Variants in MBNL3 observed in about 807,000 individuals in gnomAD.
MBNL3 encodes the protein muscleblind-like protein 3.
MBNL3 carries 6 observed loss-of-function variants against 24.5 expected under a neutral mutation model. The ratio of observed to expected loss-of-function variants is 0.25; its 90% CI spans 0.13 to 0.48. The LOEUF (loss-of-function observed/expected upper bound fraction) is 0.48, where lower values mean the gene tolerates loss of function less well. Ranked by LOEUF, MBNL3 falls within the 20% of genes least tolerant of loss-of-function variation. The probability of loss-of-function intolerance (pLI) is 0.99; values close to 1 mark genes in which losing one functional copy is unlikely to be tolerated. For synonymous variants in MBNL3, 100 were observed against 101.7 expected (o/e 0.98, Z 0.10); for missense variants, 230 against 293.5 (o/e 0.78, Z 1.58).
Position 132,486,985 on chromosome X carries a change from A to AT in MBNL3, c.-704+1865dup, listed in dbSNP as rs201545270. Reference sequence around the variant, plus strand: ...CACTATATCAATTATCTCTCAAAACATTTTTTTTTTACAAACTCCTTCACT... The same window carrying AT: ...CACTATATCAATTATCTCTCAAAACATTTTTTTTTTTACAAACTCCTTCACT... On this transcript the variant is annotated intron_variant, in intron 1 of 8. Coordinates refer to ENST00000370853, the MANE Select transcript of MBNL3 (RefSeq NM_001386889.1). Among the ~76,000 whole-genome samples, 171 of 107,758 alleles carry AT rather than the reference A, an allele frequency of 1.6e-3. 1 individual carries two copies. The highest frequency in any genetic ancestry group is 4.0e-3 in the African/African-American group (119 of 29,723). The allele number at this position is 107,758 out of a possible 115,157, so 93.6% of individuals were successfully genotyped here. A position where few individuals can be genotyped will look rare whatever the true frequency, so the allele number is the denominator to read the frequency against.
intron 2 of MBNL3, chrX:132,413,463 A>G (rs766598147): frequency 4.4e-4 from 501 of 1,142,245 alleles, no homozygotes; most frequent in Non-Finnish European, 5.7e-4. Flanking sequence ...AATCCTTGAA[A>G]ACCCATTTTA....
At chrX:132,401,183 C>T (rs1389178871) in intron 3 of MBNL3, among the ~76,000 whole-genome samples, 1 of 111,668 alleles carries the variant, frequency 9.0e-6, no homozygotes, top group Non-Finnish European at 1.9e-5. Flanking sequence ...ATAAAAGAGC[C>T]ATGACAAAAC....
chrX:132,386,842 A>G, intron 5 of MBNL3, 31 bp from the exon 6 acceptor site: 1 of 1,196,835 alleles, frequency 8.4e-7, no homozygotes, highest in Non-Finnish European at 1.1e-6. Context: ...CTAGTACTAG[A>G]GAAAGTAACA....
rs1274538924 is a variant in MBNL3 at position 132,382,170 on chromosome X, G to T, written c.1053+8C>A. On this transcript the variant is annotated splice_region_variant and intron_variant, in intron 8 of 8. Coordinates refer to ENST00000370853, the MANE Select transcript of MBNL3 (RefSeq NM_001386889.1). Reference sequence around the variant, plus strand: ...CTTGATCTGAACAGCTTAAATAAATGGCCAAACCTGATTGCCTGTAGTTGG... The same window carrying T: ...CTTGATCTGAACAGCTTAAATAAATTGCCAAACCTGATTGCCTGTAGTTGG... The T allele has an allele frequency of 1.7e-6, 2 of 1,207,454 alleles. No individual in the cohort carries two copies. Among genetic ancestry groups the T allele is most frequent in the Admixed American group, 4.3e-5 (2 of 46,018 alleles).
chrX:132,389,505 GTC>G (rs748530386), intron 5 of MBNL3, among the ~76,000 whole-genome samples: 4 of 111,746 alleles, frequency 3.6e-5, no homozygotes, highest in Non-Finnish European at 7.5e-5. Flanking sequence ...GAAAATAAGT[GTC>G]TCTCTGTTGT....
At chrX:132,480,064 C>A (rs1034668143) in intron 1 of MBNL3, among the ~76,000 whole-genome samples, 1 of 111,237 alleles carries the variant, frequency 9.0e-6, no homozygotes, top group Non-Finnish European at 1.9e-5. Flanking sequence ...AACCCAGCCT[C>A]GATCTTATTC....
Position 132,372,268 on chromosome X carries a change from C to T in MBNL3, c.*7398G>A, listed in dbSNP as rs1228011733. 3 of 109,986 alleles carry T rather than the reference C, an allele frequency of 2.7e-5. No individual in the cohort carries two copies. Among genetic ancestry groups the T allele is most frequent in the Non-Finnish European group, 3.8e-5 (2 of 52,585 alleles). 9.1% of individuals were successfully genotyped at this position (109,986 alleles called of 1,213,427 possible). A position where few individuals can be genotyped will look rare whatever the true frequency, so the allele number is the denominator to read the frequency against. ...TAATTTTCTTATATATATTTTTAAT[C>T]GCCATTTTCCACCCAAATTATGTGC... On this transcript the variant is annotated 3_prime_UTR_variant, in exon 9 of 9. Transcript: ENST00000370853.
At chrX:132,406,188 G>C (rs1468285556) in intron 3 of MBNL3, 40 bp downstream of exon 3, 1 of 1,200,663 alleles carries the variant, frequency 8.3e-7, no homozygotes, top group African/African-American at 1.8e-5. Context: ...TTCCACTGTT[G>C]ATCTTTATCG....
At chrX:132,476,562 A>G (rs1238142103) in intron 1 of MBNL3, among the ~76,000 whole-genome samples, 12 of 112,172 alleles carry the variant, frequency 1.1e-4, no homozygotes, top group Non-Finnish European at 1.9e-5. Flanking sequence ...CTACTGAAGG[A>G]AATTTCCACT....
At chrX:132,489,660 G>C (rs1216442509), upstream of MBNL3, among the ~76,000 whole-genome samples, 1 of 107,442 alleles carries the variant, frequency 9.3e-6, no homozygotes, top group Non-Finnish European at 1.9e-5. Context: ...GCGCCAGCGA[G>C]GGGCTTTAGG....
At chrX:132,458,099 C>T (rs923632247) in intron 1 of MBNL3, among the ~76,000 whole-genome samples, 1 of 110,772 alleles carries the variant, frequency 9.0e-6, no homozygotes, top group Non-Finnish European at 1.9e-5. Flanking sequence ...TAGCAGTTAT[C>T]CATAATTAAC....
In MBNL3 at chrX:132,386,697, T is replaced by G. The variant is rs2148072120; in HGVS notation, c.886A>C (p.Asn296His). 1.7e-6 allele frequency: 2 copies of G among 1,210,848 alleles called. No individual in the cohort carries two copies. The highest frequency in any genetic ancestry group is 3.0e-5 in the East Asian group (1 of 33,815). ...TVFHCQQALT[N>H]LQLPQPAFIP... ...AATGCCGGCTGTGGGAGCTGCAGGT[T>G]AGTCAGAGCCTGTTGGCAGTGGAAA... Residue 296 changes from asparagine to histidine, a missense_variant, in exon 6 of 9, where the codon AAC (asparagine) becomes CAC (histidine). Coordinates refer to ENST00000370853, the MANE Select transcript of MBNL3 (RefSeq NM_001386889.1).
intron 7 of MBNL3, 23 bp downstream of exon 7, chrX:132,384,640 G>A: frequency 8.5e-7 from 1 of 1,177,832 alleles, no homozygotes; most frequent in South Asian, 1.9e-5. Flanking sequence ...AGAAAATGTT[G>A]ATAATTTTTG....
intron 1 of MBNL3, among the ~76,000 whole-genome samples, chrX:132,448,756 C>A (rs895601934): frequency 9.0e-6 from 1 of 111,701 alleles, no homozygotes; most frequent in Non-Finnish European, 1.9e-5. Flanking sequence ...AGATCTTTCC[C>A]GCTTTCTCCT....
chrX:132,430,286 C>A (rs1556339306), intron 2 of MBNL3: 2 of 110,996 alleles, frequency 1.8e-5, no homozygotes, highest in South Asian at 7.8e-4. Context: ...CCCTGTATAC[C>A]CTTCACCCAG....
chrX:132,410,168 C>T (rs1372106019), intron 2 of MBNL3, among the ~76,000 whole-genome samples: 2 of 112,053 alleles, frequency 1.8e-5, no homozygotes, highest in Non-Finnish European at 3.8e-5. Context: ...CAATCTATTG[C>T]CTTCTTCCTA....
intron 3 of MBNL3, among the ~76,000 whole-genome samples, chrX:132,393,021 A>G (rs933509886): frequency 3.6e-5 from 4 of 111,556 alleles, no homozygotes; most frequent in Admixed American, 9.5e-5. Context: ...GTAGGTATCT[A>G]TATTTATAGG....
chrX:132,465,167 A>C (rs1398781486), intron 1 of MBNL3, among the ~76,000 whole-genome samples: 1 of 112,426 alleles, frequency 8.9e-6, no homozygotes, highest in East Asian at 2.8e-4. Flanking sequence ...TATACAGGCT[A>C]TCAAAAAGCT....
chrX:132,378,308 T>A lies in MBNL3; in HGVS notation c.*1358A>T, dbSNP rs760254933. 1 of 111,164 alleles carries A rather than the reference T, an allele frequency of 9.0e-6. No individual in the cohort carries two copies. Among genetic ancestry groups the A allele is most frequent in the South Asian group, 3.8e-4 (1 of 2,620 alleles). 9.2% of individuals were successfully genotyped at this position (111,164 alleles called of 1,213,427 possible). A position where few individuals can be genotyped will look rare whatever the true frequency, so the allele number is the denominator to read the frequency against. ...ATCTTTCCCAGTTCTTTTGAATAAA[T>A]CAAGGAATAATTGTAAGTGCTTCCC... is the stretch of plus-strand genomic sequence containing the variant. On this transcript the variant is annotated 3_prime_UTR_variant, in exon 9 of 9. Coordinates refer to ENST00000370853, the MANE Select transcript of MBNL3 (RefSeq NM_001386889.1).
Sources: gnomAD v4.1 joint callset for allele counts (sites outside exome capture counted in the v4.1 genomes callset) on GRCh38, gnomAD v4.1.1 for gene constraint, MANE v1.5 for transcripts, NCBI Gene and HGNC (gene_info 2026-07-23, HGNC 2026-07-21) for gene names.